DLG2: variants seen among roughly 807,000 people sequenced by gnomAD.
DLG2 encodes discs large MAGUK scaffold protein 2.
DLG2 carries 45 observed loss-of-function variants against 132.5 expected under a neutral mutation model. The observed-to-expected ratio is 0.34, with a 90% CI of 0.27 to 0.44. DLG2 has a LOEUF of 0.44. Ranked by LOEUF, DLG2 falls within the 20% of genes least tolerant of loss-of-function variation. DLG2 has a pLI of 1.00. For missense variants in DLG2, 1,045 were observed against 1,196.9 expected, an observed-to-expected ratio of 0.87 and a Z score of 1.87; for synonymous variants, 424 against 419.6, an observed-to-expected ratio of 1.01 and a Z score of -0.13.
chr11:83,744,120 A>G (rs1025030175), intron 18 of DLG2, among the ~76,000 whole-genome samples: 3 of 152,204 alleles, frequency 2.0e-5, no homozygotes, highest in African/African-American at 7.2e-5. Context: ...AAGCTTATCC[A>G]GAATTGAATG....
intron 6 of DLG2, among the ~76,000 whole-genome samples, chr11:84,696,400 C>A (rs745529498): frequency 6.6e-6 from 1 of 151,482 alleles, no homozygotes. Context: ...CAAGATCACA[C>A]ACCAAGTAAG....
At chr11:83,580,199 T>A (rs79694223) in intron 19 of DLG2, among the ~76,000 whole-genome samples, 6,512 of 152,228 alleles carry the variant, frequency 0.043, 476 homozygotes, top group African/African-American at 0.15. Context: ...TGCAACATCA[T>A]TGTACTCATG....
intron 19 of DLG2, among the ~76,000 whole-genome samples, chr11:83,600,938 G>A (rs1463257738): frequency 6.6e-6 from 1 of 152,200 alleles, no homozygotes; most frequent in Non-Finnish European, 1.5e-5. Context: ...AACAATGTCT[G>A]TTCTGGTATT....
intron 7 of DLG2, among the ~76,000 whole-genome samples, chr11:84,468,054 C>CT (rs1336090633): frequency 6.6e-6 from 1 of 151,486 alleles, no homozygotes; most frequent in African/African-American, 2.4e-5. Context: ...ACAATACCTA[C>CT]TTTGCAGTTT....
intron 6 of DLG2, among the ~76,000 whole-genome samples, chr11:84,891,851 C>T (rs1476504451): frequency 5.9e-5 from 9 of 152,068 alleles, no homozygotes; most frequent in Admixed American, 4.6e-4. Context: ...CATCTCTGCC[C>T]TCAAAGAATC....
chr11:84,447,041 T>G lies in DLG2; in HGVS notation c.519+87529A>C, dbSNP rs144812193. Among the ~76,000 whole-genome samples the G allele has an allele frequency of 4.6e-3, 705 of 152,280 alleles. 2 individuals carry two copies. Among genetic ancestry groups the G allele is most frequent in the African/African-American group, 0.016 (654 of 41,556 alleles). ...TAAGTATGTGTGGTAACAACATGTA[T>G]AAGATTTATTGTTAAGTGTTTCCTG... On this transcript the variant is annotated intron_variant, in intron 7 of 27. Transcript: ENST00000376104.
At chr11:84,562,840 C>T (rs1162404810) in intron 6 of DLG2, among the ~76,000 whole-genome samples, 1 of 151,584 alleles carries the variant, frequency 6.6e-6, no homozygotes. Context: ...GCAGCCTCAA[C>T]CAACTGTGCT....
intron 8 of DLG2, among the ~76,000 whole-genome samples, chr11:84,206,002 A>G (rs2096660402): frequency 6.6e-6 from 1 of 152,112 alleles, no homozygotes; most frequent in Non-Finnish European, 1.5e-5. Context: ...GGAGAACATC[A>G]TTACGAGTCT....
At chr11:84,809,147 C>A (rs988778538) in intron 6 of DLG2, among the ~76,000 whole-genome samples, 2 of 151,868 alleles carry the variant, frequency 1.3e-5, no homozygotes, top group African/African-American at 4.8e-5. Context: ...AAAATCAATC[C>A]GTGTACTCAA....
At chr11:83,887,215 G>C (rs1026734275) in intron 15 of DLG2, among the ~76,000 whole-genome samples, 51 of 151,836 alleles carry the variant, frequency 3.4e-4, no homozygotes, top group Non-Finnish European at 6.2e-4. Context: ...GACTAATAAA[G>C]AAGAAAAGAG....
chr11:85,194,729 C>T (rs1471220773), intron 4 of DLG2, among the ~76,000 whole-genome samples: 1 of 152,002 alleles, frequency 6.6e-6, no homozygotes, highest in Non-Finnish European at 1.5e-5. Context: ...GGCTAAGCCC[C>T]TAGTAGGGAG....
At chr11:85,372,954 T>C (rs1254403515) in intron 3 of DLG2, among the ~76,000 whole-genome samples, 1 of 152,210 alleles carries the variant, frequency 6.6e-6, no homozygotes, top group Non-Finnish European at 1.5e-5. Flanking sequence ...TCCTGAACCC[T>C]TGGGACTCCT....
chr11:85,332,662 T>C (rs1290235618), intron 3 of DLG2, among the ~76,000 whole-genome samples: 1 of 152,192 alleles, frequency 6.6e-6, no homozygotes, highest in African/African-American at 2.4e-5. Flanking sequence ...CCAGTTTCAA[T>C]CTTCTGTGTA....
At chr11:83,467,917 TTTC>T (rs972014129) in intron 25 of DLG2, among the ~76,000 whole-genome samples, 3 of 150,128 alleles carry the variant, frequency 2.0e-5, no homozygotes, top group African/African-American at 7.3e-5. Context: ...GGTATGTAAA[TTTC>T]TTGTTTGTTA....
At chr11:84,853,426 G>A (rs1331191800) in intron 6 of DLG2, among the ~76,000 whole-genome samples, 1 of 151,906 alleles carries the variant, frequency 6.6e-6, no homozygotes, top group Non-Finnish European at 1.5e-5. Flanking sequence ...AGAGGCATCT[G>A]GACAATTTCT....
At chr11:84,876,179 T>A (rs1030522583) in intron 6 of DLG2, among the ~76,000 whole-genome samples, 5 of 152,196 alleles carry the variant, frequency 3.3e-5, no homozygotes, top group Non-Finnish European at 5.9e-5. Flanking sequence ...TCTAAATATC[T>A]CTTTTTGATA....
At chr11:84,421,649 G>T (rs578166175) in intron 7 of DLG2, among the ~76,000 whole-genome samples, 1 of 152,116 alleles carries the variant, frequency 6.6e-6, no homozygotes, top group Non-Finnish European at 1.5e-5. Context: ...CAGTGACACT[G>T]TTATTCCATC....
At chr11:83,483,938 C>A (rs2093332066) in intron 22 of DLG2, among the ~76,000 whole-genome samples, 191 bp downstream of exon 22, 1 of 152,082 alleles carries the variant, frequency 6.6e-6, no homozygotes, top group South Asian at 2.1e-4. Context: ...ATGCCTTCTG[C>A]AAAGAAGAGC....
At chr11:84,549,649 G>A (rs1462806760) in intron 6 of DLG2, among the ~76,000 whole-genome samples, 1 of 152,164 alleles carries the variant, frequency 6.6e-6, no homozygotes, top group Admixed American at 6.5e-5. Context: ...ATGTATGACA[G>A]TGTCACTATA....
Sources: gnomAD v4.1 joint callset for allele counts (sites outside exome capture counted in the v4.1 genomes callset) on GRCh38, gnomAD v4.1.1 for gene constraint, MANE v1.5 for transcripts, NCBI Gene and HGNC (gene_info 2026-07-23, HGNC 2026-07-21) for gene names.